SEC31A: variants seen among roughly 807,000 people sequenced by gnomAD.
SEC31A encodes SEC31 homolog A, COPII component, also known as protein transport protein Sec31A.
SEC31A carries 70 observed loss-of-function variants against 151.0 expected under a neutral mutation model. The ratio of observed to expected loss-of-function variants is 0.46; its 90% CI spans 0.38 to 0.57. The LOEUF (loss-of-function observed/expected upper bound fraction) is 0.57, where lower values mean the gene tolerates loss of function less well. Ranked by LOEUF, SEC31A falls within the 20% of genes least tolerant of loss-of-function variation. SEC31A has a pLI of 0.00. For synonymous variants in SEC31A, 475 were observed against 505.9 expected (o/e 0.94, Z 0.82); for missense variants, 1,330 against 1,471.2 (o/e 0.90, Z 1.57).
chr4:82,841,439 ATT>A (rs1491252928), intron 22 of SEC31A, among the ~76,000 whole-genome samples: 450 of 23,248 alleles, frequency 0.019, 10 homozygotes, highest in African/African-American at 0.031. Flanking sequence ...GAAAAAAAAA[ATT>A]TTATATATAT....
At position 82,890,870 on chromosome 4, in the gene SEC31A, C is replaced by A. The variant is rs367912583; in HGVS notation, c.-5+218G>T. The A allele has an allele frequency of 1.1e-5, 15 of 1,385,904 alleles. No individual in the cohort carries two copies. The East Asian group carries it at 1.1e-4, about 10-fold the overall frequency. 85.9% of individuals were successfully genotyped at this position (1,385,904 alleles called of 1,614,324 possible). On this transcript the variant is annotated intron_variant, in intron 1 of 26. Coordinates refer to ENST00000395310, the MANE Select transcript of SEC31A (RefSeq NM_001077207.4). ...GGTGGCTTTTGCTCAGCAGTGGAGACGTCGGCGAATGCGGACGGGCGCGAT... is the reference window on the plus strand; with the variant it reads ...GGTGGCTTTTGCTCAGCAGTGGAGAAGTCGGCGAATGCGGACGGGCGCGAT...
chr4:82,847,921 C>CA (rs1471383249), intron 20 of SEC31A, among the ~76,000 whole-genome samples: 7 of 152,044 alleles, frequency 4.6e-5, no homozygotes, highest in African/African-American at 1.7e-4. Context: ...TAGTACCAAA[C>CA]AAAAACATAA....
intron 14 of SEC31A, among the ~76,000 whole-genome samples, chr4:82,858,542 C>CA (rs201988682): frequency 0.044 from 2,765 of 62,764 alleles, 678 homozygotes; most frequent in Non-Finnish European, 0.073. Flanking sequence ...GACTCTGTCT[C>CA]AAAAAAAAAA....
chr4:82,854,777 G>A (rs1417127615), intron 17 of SEC31A, 126 bp downstream of exon 17: 7 of 915,432 alleles, frequency 7.6e-6, no homozygotes, highest in African/African-American at 3.5e-5. Context: ...GCACTGAAAT[G>A]AGAATTTTTC....
At position 82,828,673 on chromosome 4, in the gene SEC31A, C is replaced by CAAAAAAAAAAAAAAAAAAAAAA. The variant is rs397994259; in HGVS notation, c.3027+305_3027+326dup. 8.2e-4 allele frequency among the ~76,000 whole-genome samples: 36 copies of CAAAAAAAAAAAAAAAAAAAAAA among 44,082 alleles called. 1 individual carries two copies. Among genetic ancestry groups the CAAAAAAAAAAAAAAAAAAAAAA allele is most frequent in the Non-Finnish European group, 1.1e-3 (29 of 26,240 alleles). 28.9% of individuals were successfully genotyped at this position (44,082 alleles called of 152,430 possible). On this transcript the variant is annotated intron_variant, in intron 23 of 26. Coordinates refer to ENST00000395310, the MANE Select transcript of SEC31A (RefSeq NM_001077207.4). The stretch of plus-strand genomic sequence containing the variant: ...GTAGAACCCAAAGACCAAAGTAACT[C>CAAAAAAAAAAAAAAAAAAAAAA]AAAAAAAAAAAAAAAAAAAAAAAAG...
Position 82,842,173 on chromosome 4 carries a change from C to G in SEC31A, c.2935G>C (p.Ala979Pro). ...LPPGTTGTLP[A>P]ASELPASQRT... ...TGGGACGCAGGCAGCTCACTGGCAGCAGGCAGTGTACCTGTTGTTCCAGGA... is the reference window on the plus strand; with the variant it reads ...TGGGACGCAGGCAGCTCACTGGCAGGAGGCAGTGTACCTGTTGTTCCAGGA... The change falls in exon 22 of 27, where the codon GCT becomes CCT. Residue 979 changes from alanine to proline, a missense_variant. Physicochemically the swap from Ala to Pro is conservative, Grantham distance 27. Transcript: ENST00000395310. The G allele has an allele frequency of 1.3e-6, 2 of 1,576,656 alleles. No individual in the cohort carries two copies. Among genetic ancestry groups the G allele is most frequent in the Middle Eastern group, 1.7e-4 (1 of 5,860 alleles).
Position 82,878,720 on chromosome 4 carries a change from A to T in SEC31A, c.402+10T>A. On this transcript the variant is annotated intron_variant, in intron 4 of 26. Coordinates refer to ENST00000395310, the MANE Select transcript of SEC31A (RefSeq NM_001077207.4). ...ATAGTCTAAGAATTATGAAATGTTAAAGTCTTAACCTGGAAAATGTTCACA... is the reference window on the plus strand; with the variant it reads ...ATAGTCTAAGAATTATGAAATGTTATAGTCTTAACCTGGAAAATGTTCACA... 1 of 1,607,636 alleles carries T rather than the reference A, an allele frequency of 6.2e-7. No individual in the cohort carries two copies. Among genetic ancestry groups the T allele is most frequent in the Non-Finnish European group, 8.5e-7 (1 of 1,174,374 alleles).
upstream of SEC31A, among the ~76,000 whole-genome samples, chr4:82,891,623 C>A (rs995382402): frequency 1.3e-5 from 2 of 152,166 alleles, no homozygotes; most frequent in African/African-American, 4.8e-5. Context: ...TTAAAATTAC[C>A]CACTTGATTG....
At chr4:82,896,947 C>G (rs1011082486) in intron 3 of SEC31A, among the ~76,000 whole-genome samples, 1 of 152,148 alleles carries the variant, frequency 6.6e-6, no homozygotes, top group African/African-American at 2.4e-5. Flanking sequence ...CTTCCACCCC[C>G]ACCTCCCACA....
chr4:82,824,486 T>A (rs564242597), intron 25 of SEC31A, 69 bp downstream of exon 25: 569 of 1,551,128 alleles, frequency 3.7e-4, no homozygotes, highest in Non-Finnish European at 4.7e-4. Context: ...ATTACACGCA[T>A]AAGCCACCAC....
rs567705632 is a variant in SEC31A, at chr4:82,872,818, G to C, written c.640-732C>G. On this transcript the variant is annotated intron_variant, in intron 6 of 26. Transcript: ENST00000395310. The stretch of plus-strand genomic sequence containing the variant: ...CCTCCCAGGTTCAAGCGATTCTCCC[G>C]CTTCAGCTTCCCAATAGCTGGGAGT... 4.6e-5 allele frequency among the ~76,000 whole-genome samples: 7 copies of C among 152,114 alleles called. No individual in the cohort carries two copies. The East Asian group carries it at 1.4e-3, about 30-fold the overall frequency.
At chr4:82,864,949 T>C (rs986896028) in intron 10 of SEC31A, among the ~76,000 whole-genome samples, 3 of 152,042 alleles carry the variant, frequency 2.0e-5, no homozygotes, top group Non-Finnish European at 4.4e-5. Flanking sequence ...CTAACTTTTG[T>C]ATGTTTAGTA....
At chr4:82,899,247 G>A (rs952465602) in intron 3 of SEC31A, among the ~76,000 whole-genome samples, 3 of 152,170 alleles carry the variant, frequency 2.0e-5, no homozygotes, top group African/African-American at 7.2e-5. Flanking sequence ...TTTCTTTCTG[G>A]AGTGATGAAA....
chr4:82,855,247 G>A (rs1182626903), intron 16 of SEC31A, among the ~76,000 whole-genome samples: 2 of 152,164 alleles, frequency 1.3e-5, no homozygotes, highest in African/African-American at 4.8e-5. Context: ...TGCTGAGAAG[G>A]AAAAATATAA....
Position 82,878,714 on chromosome 4 carries a change from AT to A in SEC31A, c.402+15del. On this transcript the variant is annotated intron_variant, in intron 4 of 26. Transcript: ENST00000395310. ...CAGCACATAGTCTAAGAATTATGAA[AT>A]GTTAAAGTCTTAACCTGGAAAATGT... 1 of 1,599,982 alleles carries A rather than the reference AT, an allele frequency of 6.3e-7. No homozygotes were observed. Among genetic ancestry groups the A allele is most frequent in the Non-Finnish European group, 8.6e-7 (1 of 1,167,550 alleles).
chr4:82,841,467 T>TATATATATATAC (rs1339344582), intron 22 of SEC31A, among the ~76,000 whole-genome samples: 6 of 103,562 alleles, frequency 5.8e-5, no homozygotes, highest in South Asian at 7.0e-4. Context: ...TATATATATA[T>TATATATATATAC]ACACACACAC....
chr4:82,864,472 A>C lies in SEC31A; in HGVS notation c.1324T>G (p.Ser442Ala), dbSNP rs767550104. 6.2e-7 allele frequency: 1 copy of C among 1,614,210 alleles called. No individual in the cohort carries two copies. Among genetic ancestry groups the C allele is most frequent in the South Asian group, 1.1e-5 (1 of 91,086 alleles). The change falls in exon 11 of 27, where the codon TCA (serine) becomes GCA (alanine). Residue 442 changes from serine to alanine, a missense_variant. Physicochemically the swap from Ser to Ala is moderately conservative, Grantham distance 99. Transcript: ENST00000395310. ...TGCACAGCCTGCTGAAGTTGGTCTG[A>C]TCGGCTGAGGAACTCCTTTTCTGTT... is the stretch of plus-strand genomic sequence containing the variant. ...VVTEKEFLSR[S>A]DQLQQAVQSQ...
chr4:82,842,511 A>C (rs780074617), intron 21 of SEC31A, 30 bp from the exon 22 acceptor site: 107 of 1,527,364 alleles, frequency 7.0e-5, no homozygotes, highest in Non-Finnish European at 9.3e-5. Flanking sequence ...CAGAAATTTC[A>C]ATTAGTTACA....
At position 82,848,915 on chromosome 4, in the gene SEC31A, A is replaced by G; in HGVS notation, c.2391T>C (p.His797=). The change falls in exon 20 of 27, where the codon CAT becomes CAC. Residue 797 remains histidine (H), a synonymous_variant. Transcript: ENST00000395310. The part of the protein sequence containing the change: ...CRAQGEPVAG[H]ESPKIPYEKQ... ...TCTCGTACGGAATTTTAGGTGATTCATGTCCTGCTACAGGCTCTCCTTGTG... is the reference window on the plus strand; with the variant it reads ...TCTCGTACGGAATTTTAGGTGATTCGTGTCCTGCTACAGGCTCTCCTTGTG... 2 of 1,614,136 alleles carry G rather than the reference A, an allele frequency of 1.2e-6. No homozygotes were observed. Among genetic ancestry groups the G allele is most frequent in the Non-Finnish European group, 8.5e-7 (1 of 1,180,006 alleles).
Sources: allele counts gnomAD v4.1 joint callset (sites outside exome capture counted in the v4.1 genomes callset), GRCh38; gene constraint gnomAD v4.1.1; transcripts MANE v1.5; gene names NCBI Gene and HGNC (gene_info 2026-07-23, HGNC 2026-07-21).